The following RALYL variants were observed in gnomAD, a reference collection of about 807,000 sequenced individuals.
The protein encoded by RALYL is RNA-binding Raly-like protein.
A neutral mutation model predicts 35.1 loss-of-function variants in RALYL; 29 were observed. The observed-to-expected ratio is 0.83, with a 90% confidence interval of 0.61 to 1.13. The LOEUF is 1.13. Ranked by LOEUF, RALYL falls within the 50% of genes most tolerant of loss-of-function variation. The pLI is 0.00. For synonymous variants in RALYL, 120 were observed against 127.6 expected, an observed-to-expected ratio of 0.94 and a Z score of 0.40; for missense variants, 359 against 360.4, an observed-to-expected ratio of 1.00 and a Z score of 0.03.
intron 5 of RALYL, among the ~76,000 whole-genome samples, chr8:84,851,159 G>A (rs762686215): frequency 6.6e-6 from 1 of 152,070 alleles, no homozygotes; most frequent in Non-Finnish European, 1.5e-5. Flanking sequence ...TTTTGTCACT[G>A]AGAGATAAGG....
At chr8:84,264,572 T>G (rs1832938271) in intron 1 of RALYL, among the ~76,000 whole-genome samples, 1 of 151,952 alleles carries the variant, frequency 6.6e-6, no homozygotes, top group South Asian at 2.1e-4. Context: ...TTCACTCTGA[T>G]GATAGTTTCT....
chr8:84,627,138 G>C (rs1016546193), intron 2 of RALYL, among the ~76,000 whole-genome samples: 2 of 151,972 alleles, frequency 1.3e-5, no homozygotes, highest in Admixed American at 1.3e-4. Flanking sequence ...GAAGCATATG[G>C]TTCTTAACCT....
intron 2 of RALYL, among the ~76,000 whole-genome samples, chr8:84,637,082 G>A (rs1825218662): frequency 6.6e-6 from 1 of 151,906 alleles, no homozygotes; most frequent in South Asian, 2.1e-4. Flanking sequence ...GTAGATGCTT[G>A]GTAAAATGTT....
At chr8:84,437,891 A>C (rs1007098978) in intron 1 of RALYL, among the ~76,000 whole-genome samples, 1 of 152,140 alleles carries the variant, frequency 6.6e-6, no homozygotes, top group African/African-American at 2.4e-5. Flanking sequence ...CTAGAAACCA[A>C]GCAGATGCCA....
At chr8:84,575,208 A>T (rs1809042778) in intron 2 of RALYL, among the ~76,000 whole-genome samples, 1 of 152,190 alleles carries the variant, frequency 6.6e-6, no homozygotes, top group Admixed American at 6.5e-5. Flanking sequence ...CTTGTTTATA[A>T]GCCAGACCTA....
chr8:84,621,320 C>T (rs544123273), intron 2 of RALYL, among the ~76,000 whole-genome samples: 10 of 152,284 alleles, frequency 6.6e-5, no homozygotes, highest in South Asian at 2.1e-4. Flanking sequence ...TTAAGCCCGT[C>T]GGAAAAGCGC....
At chr8:84,641,327 A>G (rs1279764979) in intron 2 of RALYL, among the ~76,000 whole-genome samples, 3 of 151,694 alleles carry the variant, frequency 2.0e-5, no homozygotes, top group Admixed American at 6.6e-5. Context: ...AATTTTAGTA[A>G]CCTTCAATTT....
intron 2 of RALYL, among the ~76,000 whole-genome samples, chr8:84,732,894 A>G (rs972232394): frequency 2.0e-5 from 3 of 151,564 alleles, no homozygotes; most frequent in African/African-American, 4.9e-5. Flanking sequence ...ATGGGGTTTC[A>G]CCATGTTGGC....
intron 2 of RALYL, among the ~76,000 whole-genome samples, chr8:84,581,125 A>G (rs1001104056): frequency 6.6e-6 from 1 of 152,154 alleles, no homozygotes. Flanking sequence ...GTTGCAGCAA[A>G]TATGACCAAA....
chr8:84,539,919 G>T (rs2059907801), intron 2 of RALYL, among the ~76,000 whole-genome samples: 1 of 140,890 alleles, frequency 7.1e-6, no homozygotes, highest in Non-Finnish European at 1.5e-5. Context: ...TACATGCACA[G>T]ACATACACAC....
At chr8:84,818,436 G>C (rs1487329800) in intron 4 of RALYL, among the ~76,000 whole-genome samples, 1 of 152,168 alleles carries the variant, frequency 6.6e-6, no homozygotes, top group African/African-American at 2.4e-5. Context: ...TCTTCAAGGT[G>C]AGGTAAGAAT....
chr8:84,832,605 G>A (rs1351433325), intron 4 of RALYL, among the ~76,000 whole-genome samples: 2 of 152,130 alleles, frequency 1.3e-5, no homozygotes, highest in Admixed American at 6.6e-5. Flanking sequence ...AAGGGAAAGT[G>A]AGCCAGATTT....
At chr8:84,752,730 A>G (rs1206899596) in intron 2 of RALYL, among the ~76,000 whole-genome samples, 1 of 152,174 alleles carries the variant, frequency 6.6e-6, no homozygotes, top group Non-Finnish European at 1.5e-5. Context: ...TCAAAGGGTG[A>G]AAACCATAAG....
chr8:84,286,977 T>G (rs977803641), intron 1 of RALYL, among the ~76,000 whole-genome samples: 2 of 152,186 alleles, frequency 1.3e-5, no homozygotes, highest in Non-Finnish European at 2.9e-5. Context: ...TAAGATGTTA[T>G]CTTTAGCTTT....
At chr8:84,434,192 G>A (rs2047453898) in intron 1 of RALYL, among the ~76,000 whole-genome samples, 1 of 151,990 alleles carries the variant, frequency 6.6e-6, no homozygotes, top group Admixed American at 6.6e-5. Context: ...CTTTGTGCCT[G>A]TGTCCTCATC....
chr8:84,252,283 C>G (rs1481404355), intron 1 of RALYL, among the ~76,000 whole-genome samples: 1 of 151,928 alleles, frequency 6.6e-6, no homozygotes, highest in Non-Finnish European at 1.5e-5. Context: ...TTATAGGTAG[C>G]CAGTGCTCAT....
intron 1 of RALYL, among the ~76,000 whole-genome samples, chr8:84,206,983 T>A (rs567517533): frequency 6.6e-6 from 1 of 152,240 alleles, no homozygotes; most frequent in African/African-American, 2.4e-5. Context: ...TCACCTCACC[T>A]ATTAAGATAA....
intron 2 of RALYL, among the ~76,000 whole-genome samples, chr8:84,770,042 C>CT (rs1445694212): frequency 6.6e-6 from 1 of 152,008 alleles, no homozygotes; most frequent in Non-Finnish European, 1.5e-5. Context: ...TCTCTGCCTT[C>CT]TTTTTTTAGA....
Position 84,271,813 on chromosome 8 carries a change from T to C in RALYL, c.-24+87389T>C, listed in dbSNP as rs988911190. Among the ~76,000 whole-genome samples, 9 of 152,136 alleles carry C rather than the reference T, an allele frequency of 5.9e-5. No individual in the cohort carries two copies. The South Asian group carries it at 1.9e-3, about 32-fold the overall frequency. ...CAAAGCTATAGGGACAGAAAGCAGA[T>C]CTGTGCTGGGAGGAGGAGTGGGGAA... On this transcript the variant is annotated intron_variant, in intron 1 of 8. Coordinates refer to ENST00000521268, the MANE Select transcript of RALYL (RefSeq NM_173848.7).
Sources: allele counts gnomAD v4.1 joint callset (sites outside exome capture counted in the v4.1 genomes callset), GRCh38; gene constraint gnomAD v4.1.1; transcripts MANE v1.5; gene names NCBI Gene and HGNC (gene_info 2026-07-23, HGNC 2026-07-21).